RETSAT: variants seen among roughly 807,000 people sequenced by gnomAD.
RETSAT encodes the protein all-trans-retinol 13,14-reductase.
Under a neutral mutation model 61.6 loss-of-function variants are expected in RETSAT, and 35 were observed. The ratio of observed to expected loss-of-function variants is 0.57; its 90% CI spans 0.43 to 0.75. The LOEUF (loss-of-function observed/expected upper bound fraction) is 0.75, where lower values mean the gene tolerates loss of function less well. Among genes scored for constraint, RETSAT ranks in the 30% least tolerant of loss-of-function variants. The pLI is 0.00. For synonymous variants in RETSAT, 277 were observed against 310.4 expected, an observed-to-expected ratio of 0.89 and a Z score of 1.13; for missense variants, 670 against 759.5, an observed-to-expected ratio of 0.88 and a Z score of 1.38.
chr2:85,351,073 T>C, intron 2 of RETSAT, 52 bp from the exon 3 acceptor site: 3 of 1,601,178 alleles, frequency 1.9e-6, no homozygotes, highest in Non-Finnish European at 2.6e-6. Context: ...GATTGAGCCC[T>C]GGAAAGGTGG....
In RETSAT at chr2:85,343,196, A is replaced by G. The variant is rs1298075194; in HGVS notation, c.*46T>C. On this transcript the variant is annotated 3_prime_UTR_variant, in exon 11 of 11. Transcript: ENST00000295802. ...AGACATTATGGGTAAGTCAAGGGAGATGCCCCAGCCATTGGGCAAATTCCT... is the reference window on the plus strand; with the variant it reads ...AGACATTATGGGTAAGTCAAGGGAGGTGCCCCAGCCATTGGGCAAATTCCT... 5 of 1,606,912 alleles carry G rather than the reference A, an allele frequency of 3.1e-6. No individual in the cohort carries two copies. The highest frequency in any genetic ancestry group is 4.3e-6 in the Non-Finnish European group (5 of 1,174,910).
In RETSAT at chr2:85,343,667, C is replaced by T. The variant is rs756419341; in HGVS notation, c.1665G>A (p.Gln555=). The change falls in exon 10 of 11, where the codon CAG becomes CAA. Residue 555 remains glutamine (Q), a synonymous_variant. Coordinates refer to ENST00000295802, the MANE Select transcript of RETSAT (RefSeq NM_017750.4). The part of the protein sequence containing the change: ...HPCVMASLRA[Q]SPIPNLYLTG... Reference sequence around the variant, plus strand: ...TCAGATAGAGGTTGGGGATGGGGCTCTGGGCCCTCAAGGAGGCCATCACAC... The same window carrying T: ...TCAGATAGAGGTTGGGGATGGGGCTTTGGGCCCTCAAGGAGGCCATCACAC... The T allele has an allele frequency of 1.9e-6, 3 of 1,613,864 alleles. No individual in the cohort carries two copies. In the African/African-American group the frequency reaches 4.0e-5, roughly 22 times the overall value.
In RETSAT at chr2:85,344,032, C is replaced by T; in HGVS notation, c.1500G>A (p.Val500=). Residue 500 remains valine (V), a synonymous_variant, in exon 9 of 11, where the codon GTG becomes GTA. Coordinates refer to ENST00000295802, the MANE Select transcript of RETSAT (RefSeq NM_017750.4). ...CCAGCTGTGGGAACAGTTTCAGGAC[C>T]ACTGACATAGAGGCTTCCACAAAGG... is the stretch of plus-strand genomic sequence containing the variant. ...KNSFVEASMS[V]VLKLFPQLEG... 1 of 1,614,108 alleles carries T rather than the reference C, an allele frequency of 6.2e-7. No homozygotes were observed. The highest frequency in any genetic ancestry group is 8.5e-7 in the Non-Finnish European group (1 of 1,180,020).
intron 1 of RETSAT, among the ~76,000 whole-genome samples, chr2:85,353,083 T>C (rs1683338180): frequency 6.6e-6 from 1 of 152,238 alleles, no homozygotes; most frequent in Non-Finnish European, 1.5e-5. Context: ...GATAAATACA[T>C]GAAACAAGTG....
Position 85,342,065 on chromosome 2 carries a change from C to A in RETSAT, c.*1177G>T. On this transcript the variant is annotated 3_prime_UTR_variant, in exon 11 of 11. Transcript: ENST00000295802. Reference sequence around the variant, plus strand: ...GCCATCACAATAATAGTTTTGTTTTCTTGAACAAAAAACCAAAATAAATTT... The same window carrying A: ...GCCATCACAATAATAGTTTTGTTTTATTGAACAAAAAACCAAAATAAATTT... 1.3e-5 allele frequency: 5 copies of A among 393,270 alleles called. No homozygotes were observed. The highest frequency in any genetic ancestry group is 2.3e-5 in the Non-Finnish European group (5 of 221,248). The allele number at this position is 393,270 out of a possible 1,614,324, so 24.4% of individuals were successfully genotyped here. A position where few individuals can be genotyped will look rare whatever the true frequency, so the allele number is the denominator to read the frequency against.
At position 85,350,024 on chromosome 2, in the gene RETSAT, C is replaced by T. The variant is rs1683270812; in HGVS notation, c.799+16G>A. On this transcript the variant is annotated intron_variant, in intron 4 of 10. Transcript: ENST00000295802. ...CCTCCTCCAGAAGCTGCCCAGAGCC[C>T]AGGCCCAGTACCCACCGTAAGTGGG... 1 of 1,611,540 alleles carries T rather than the reference C, an allele frequency of 6.2e-7. No individual in the cohort carries two copies. Among genetic ancestry groups the T allele is most frequent in the Non-Finnish European group, 8.5e-7 (1 of 1,178,886 alleles).
chr2:85,350,225 G>T lies in RETSAT; in HGVS notation c.614C>A (p.Ala205Asp), dbSNP rs764898310. The T allele has an allele frequency of 1.9e-6, 3 of 1,613,620 alleles. No individual in the cohort carries two copies. The highest frequency in any genetic ancestry group is 2.2e-5 in the South Asian group (2 of 91,082). ...IKLVKVVSSG[A>D]PHAILLKFLP... ...GAATTTCAACAGGATGGCATGAGGGGCTCCACTGGATACCACCTGGGGGAG... is the reference window on the plus strand; with the variant it reads ...GAATTTCAACAGGATGGCATGAGGGTCTCCACTGGATACCACCTGGGGGAG... Residue 205 changes from alanine to aspartate, a missense_variant, in exon 4 of 11, where the codon GCC (alanine) becomes GAC (aspartate). Transcript: ENST00000295802.
intron 3 of RETSAT, 24 bp from the exon 4 acceptor site, chr2:85,350,265 A>T: frequency 3.2e-6 from 5 of 1,567,858 alleles, no homozygotes; most frequent in Non-Finnish European, 4.4e-6. Flanking sequence ...TGAGGACAGC[A>T]GGCCTCACCT....
rs1050362575 is a variant in RETSAT at position 85,342,160 on chromosome 2, C to T, written c.*1082G>A. ...TAACACGAACTACAAAGAGACCTTT[C>T]GTATGTCTGATACCAAAGACATAAC... On this transcript the variant is annotated 3_prime_UTR_variant, in exon 11 of 11. Coordinates refer to ENST00000295802, the MANE Select transcript of RETSAT (RefSeq NM_017750.4). 4.4e-6 allele frequency: 1 copy of T among 225,238 alleles called. No individual in the cohort carries two copies. The highest frequency in any genetic ancestry group is 8.7e-6 in the Non-Finnish European group (1 of 114,610). 14.0% of individuals were successfully genotyped at this position (225,238 alleles called of 1,614,324 possible). A position where few individuals can be genotyped will look rare whatever the true frequency, so the allele number is the denominator to read the frequency against.
intron 3 of RETSAT, among the ~76,000 whole-genome samples, 180 bp downstream of exon 3, chr2:85,350,600 C>CAG (rs1048599557): frequency 3.3e-5 from 5 of 151,704 alleles, no homozygotes; most frequent in Admixed American, 6.6e-5. Context: ...GCCAAGGCTC[C>CAG]AGAGAGAGAG....
At chr2:85,351,268 A>G (rs74648047) in intron 2 of RETSAT, 8,791 of 537,406 alleles carry the variant, frequency 0.016, 347 homozygotes, top group African/African-American at 0.1. Flanking sequence ...GCTCACACCC[A>G]TAATCCCAAC....
intron 5 of RETSAT, among the ~76,000 whole-genome samples, 179 bp from the exon 6 acceptor site, chr2:85,346,273 T>A (rs1217945206): frequency 6.6e-6 from 1 of 152,180 alleles, no homozygotes; most frequent in African/African-American, 2.4e-5. Flanking sequence ...CTTCAGGTGC[T>A]TTCACACTAT....
chr2:85,343,701 A>C lies in RETSAT; in HGVS notation c.1631T>G (p.Leu544Arg). 1 of 1,614,140 alleles carries C rather than the reference A, an allele frequency of 6.2e-7. No homozygotes were observed. The highest frequency in any genetic ancestry group is 8.5e-7 in the Non-Finnish European group (1 of 1,179,970). The change falls in exon 10 of 11, where the codon CTG becomes CGG. Residue 544 changes from leucine to arginine, a missense_variant. Coordinates refer to ENST00000295802, the MANE Select transcript of RETSAT (RefSeq NM_017750.4). ...CYGADHDLGR[L>R]HPCVMASLRA... ...CAAGGAGGCCATCACACAAGGGTGC[A>C]GGCGGCCCAGGTCATGGTCAGCCCC...
At chr2:85,347,261 G>T (rs147178461) in intron 5 of RETSAT, among the ~76,000 whole-genome samples, 3 of 151,952 alleles carry the variant, frequency 2.0e-5, no homozygotes, top group African/African-American at 7.3e-5. Context: ...ATGAAGCCTC[G>T]CTCCGTTGCC....
At chr2:85,353,058 C>T (rs1296466926) in intron 1 of RETSAT, among the ~76,000 whole-genome samples, 1 of 152,166 alleles carries the variant, frequency 6.6e-6, no homozygotes, top group Non-Finnish European at 1.5e-5. Context: ...AAAAATTTCA[C>T]ATGTAAGTAT....
At chr2:85,348,678 A>ATAAT (rs1683245151) in intron 5 of RETSAT, among the ~76,000 whole-genome samples, 1 of 151,638 alleles carries the variant, frequency 6.6e-6, no homozygotes, top group Non-Finnish European at 1.5e-5. Context: ...TACTGGGTAA[A>ATAAT]TAATTTTATC....
intron 6 of RETSAT, chr2:85,345,545 G>T: frequency 5.9e-6 from 2 of 338,026 alleles, no homozygotes; most frequent in South Asian, 4.8e-5. Flanking sequence ...TCTTCCCAGC[G>T]GCCTCCCTTC....
chr2:85,354,291 GAA>G (rs773643093), intron 1 of RETSAT, 43 bp downstream of exon 1: 1 of 1,607,148 alleles, frequency 6.2e-7, no homozygotes, highest in Admixed American at 1.7e-5. Context: ...AAATCTGTGA[GAA>G]AGCCTCGAGT....
At chr2:85,348,288 T>C (rs562305940) in intron 5 of RETSAT, among the ~76,000 whole-genome samples, 12 of 152,216 alleles carry the variant, frequency 7.9e-5, no homozygotes, top group Middle Eastern at 3.4e-3. Context: ...GAGCCTCTAA[T>C]ATGTGCTAAG....
Sources: gnomAD v4.1 joint callset for allele counts (sites outside exome capture counted in the v4.1 genomes callset) on GRCh38, gnomAD v4.1.1 for gene constraint, MANE v1.5 for transcripts, NCBI Gene and HGNC (gene_info 2026-07-23, HGNC 2026-07-21) for gene names.